ADAM12: variants seen among roughly 807,000 people sequenced by gnomAD.
The protein encoded by ADAM12 is disintegrin and metalloproteinase domain-containing protein 12.
ADAM12 carries 70 observed loss-of-function variants against 106.4 expected under a neutral mutation model. The observed-to-expected ratio is 0.66, with a 90% CI of 0.54 to 0.80. The LOEUF is 0.80. Ranked by LOEUF, ADAM12 falls within the 30% of genes least tolerant of loss-of-function variation. ADAM12 has a pLI of 0.00. For synonymous variants in ADAM12, 420 were observed against 433.5 expected (o/e 0.97, Z 0.39); for missense variants, 1,010 against 1,171.9 (o/e 0.86, Z 2.02).
chr10:126,088,967 G>A (rs1019876787), intron 11 of ADAM12, among the ~76,000 whole-genome samples: 52 of 152,234 alleles, frequency 3.4e-4, no homozygotes, highest in African/African-American at 1.1e-3. Context: ...TGAATGATTT[G>A]CACCCCAGGA....
Position 126,255,001 on chromosome 10 carries a change from C to T in ADAM12, c.260+23914G>A, listed in dbSNP as rs552994328. 1.1e-4 allele frequency among the ~76,000 whole-genome samples: 17 copies of T among 152,326 alleles called. No individual in the cohort carries two copies. In the South Asian group the frequency reaches 2.9e-3, roughly 26 times the overall value. On this transcript the variant is annotated intron_variant, in intron 3 of 22. Coordinates refer to ENST00000448723, the MANE Select transcript of ADAM12 (RefSeq NM_001288973.2). ...GGCCATAGTTCGCCCCGGTCACCAG[C>T]CCCCGGTGGCATTTGGACAGGGGCC... is the stretch of plus-strand genomic sequence containing the variant.
Position 126,066,583 on chromosome 10 carries a change from G to C in ADAM12, c.1413+134C>G, listed in dbSNP as rs532573084. 5.3e-4 allele frequency: 414 copies of C among 776,218 alleles called. 4 individuals carry two copies. The South Asian group carries it at 6.3e-3, about 12-fold the overall frequency. The allele number at this position is 776,218 out of a possible 1,614,324, so 48.1% of individuals were successfully genotyped here. On this transcript the variant is annotated intron_variant, in intron 13 of 22. Transcript: ENST00000448723. The surrounding 1 kb of genome is among the most constrained non-coding windows in gnomAD (Gnocchi z 5.1). ...TAAGAGGTGGGTAACACCAACTGGC[G>C]TGAGAAGGAGGGATGGTGCGTGCTG... is the stretch of plus-strand genomic sequence containing the variant.
At chr10:126,099,407 T>C (rs945747939) in intron 9 of ADAM12, among the ~76,000 whole-genome samples, 5 of 141,268 alleles carry the variant, frequency 3.5e-5, no homozygotes, top group Admixed American at 7.0e-5. Context: ...CCTCCCTCTC[T>C]ATCCACCTAT....
chr10:126,257,146 T>C (rs1011520989), intron 3 of ADAM12, among the ~76,000 whole-genome samples: 2 of 152,192 alleles, frequency 1.3e-5, no homozygotes, highest in Non-Finnish European at 2.9e-5. Flanking sequence ...CTGGATTCCC[T>C]TTCACTTGAC....
chr10:126,016,980 A>G lies in ADAM12; in HGVS notation c.*299T>C. The G allele has an allele frequency of 3.6e-6, 1 of 276,724 alleles. No individual in the cohort carries two copies. Among genetic ancestry groups the G allele is most frequent in the Non-Finnish European group, 6.7e-6 (1 of 148,308 alleles). The allele number at this position is 276,724 out of a possible 1,614,324, so 17.1% of individuals were successfully genotyped here. A position where few individuals can be genotyped will look rare whatever the true frequency, so the allele number is the denominator to read the frequency against. ...CAAGCAGGATATTTCAAGTTCACTA[A>G]AATACTAAAAGCACAACAAGCCTTC... On this transcript the variant is annotated 3_prime_UTR_variant, in exon 23 of 23. Transcript: ENST00000448723.
intron 2 of ADAM12, among the ~76,000 whole-genome samples, chr10:126,327,454 T>TAAA (rs1459255580): frequency 6.6e-6 from 1 of 151,738 alleles, no homozygotes; most frequent in Non-Finnish European, 1.5e-5. Context: ...TCAGATAAAA[T>TAAA]GTTTAAGAGT....
At chr10:126,103,986 A>ATT (rs761508860) in intron 8 of ADAM12, among the ~76,000 whole-genome samples, 9 of 152,214 alleles carry the variant, frequency 5.9e-5, no homozygotes, top group Non-Finnish European at 1.3e-4. Context: ...GTGAACTGCC[A>ATT]AGCAGTGGTG....
At chr10:126,084,105 A>G (rs534604807) in intron 11 of ADAM12, among the ~76,000 whole-genome samples, 11 of 152,306 alleles carry the variant, frequency 7.2e-5, no homozygotes, top group South Asian at 6.2e-4. Flanking sequence ...CATGGTCTTA[A>G]CTTGTGAACT....
chr10:126,113,713 T>A (rs1228653405), intron 6 of ADAM12, among the ~76,000 whole-genome samples: 27 of 66,304 alleles, frequency 4.1e-4, no homozygotes, highest in African/African-American at 1.1e-3. Context: ...TATATATATA[T>A]ATATATATAT....
intron 3 of ADAM12, among the ~76,000 whole-genome samples, chr10:126,170,625 G>A (rs1380212875): frequency 6.6e-6 from 1 of 152,102 alleles, no homozygotes; most frequent in Non-Finnish European, 1.5e-5. Flanking sequence ...CTGCAACAGA[G>A]CTGTTAGAAA....
chr10:126,270,556 G>T lies in ADAM12; in HGVS notation c.260+8359C>A, dbSNP rs572648410. On this transcript the variant is annotated intron_variant, in intron 3 of 22. Coordinates refer to ENST00000448723, the MANE Select transcript of ADAM12 (RefSeq NM_001288973.2). ...AAACTTAATTTAAATAGCCACATGT[G>T]GCTAGTGGCTCTCTAAGTAAAGTGT... 3.9e-5 allele frequency among the ~76,000 whole-genome samples: 6 copies of T among 152,322 alleles called. No homozygotes were observed. The East Asian group carries it at 1.2e-3, about 29-fold the overall frequency.
chr10:126,259,758 C>A (rs941278527), intron 3 of ADAM12, among the ~76,000 whole-genome samples: 2 of 152,202 alleles, frequency 1.3e-5, no homozygotes, highest in African/African-American at 4.8e-5. Context: ...ATCAACCCAA[C>A]TGATGATCAC....
chr10:126,088,061 T>A (rs923094062), intron 11 of ADAM12, among the ~76,000 whole-genome samples: 1 of 152,262 alleles, frequency 6.6e-6, no homozygotes, highest in Non-Finnish European at 1.5e-5. Flanking sequence ...GGTCGCTTTT[T>A]AAAAGATGTG....
At position 126,240,593 on chromosome 10, in the gene ADAM12, G is replaced by T. The variant is rs371876666; in HGVS notation, c.260+38322C>A. Among the ~76,000 whole-genome samples, 41 of 152,362 alleles carry T rather than the reference G, an allele frequency of 2.7e-4. No individual in the cohort carries two copies. The South Asian group carries it at 8.3e-3, about 31-fold the overall frequency. On this transcript the variant is annotated intron_variant, in intron 3 of 22. Coordinates refer to ENST00000448723, the MANE Select transcript of ADAM12 (RefSeq NM_001288973.2). Reference sequence around the variant, plus strand: ...CAGTCAGCTGTGCTCTGAGTATCTGGGCTGAGACCTGAAGGCTGAGAAGGA... The same window carrying T: ...CAGTCAGCTGTGCTCTGAGTATCTGTGCTGAGACCTGAAGGCTGAGAAGGA...
At chr10:126,081,311 G>C (rs1392882732) in intron 11 of ADAM12, among the ~76,000 whole-genome samples, 2 of 152,144 alleles carry the variant, frequency 1.3e-5, no homozygotes, top group Non-Finnish European at 2.9e-5. Context: ...TGTGTGATAG[G>C]AAAAGCCAAA....
intron 21 of ADAM12, among the ~76,000 whole-genome samples, chr10:126,033,450 A>G (rs1264924310): frequency 2.0e-5 from 3 of 152,220 alleles, no homozygotes; most frequent in Non-Finnish European, 4.4e-5. Flanking sequence ...TAGGGATCTC[A>G]GAACTCAAGG....
chr10:126,356,259 C>A (rs189545018), intron 1 of ADAM12, among the ~76,000 whole-genome samples: 1 of 152,332 alleles, frequency 6.6e-6, no homozygotes, highest in East Asian at 1.9e-4. Flanking sequence ...AAGGAATACA[C>A]CCTGTAGCCC....
intron 11 of ADAM12, among the ~76,000 whole-genome samples, chr10:126,080,757 C>T (rs896736906): frequency 9.9e-5 from 15 of 151,860 alleles, no homozygotes; most frequent in Non-Finnish European, 7.4e-5. Flanking sequence ...GAAAAAAACA[C>T]CACTTTTAAA....
At chr10:126,335,530 C>G (rs946712893) in intron 1 of ADAM12, among the ~76,000 whole-genome samples, 7 of 152,176 alleles carry the variant, frequency 4.6e-5, no homozygotes, top group African/African-American at 1.7e-4. Context: ...AGCTCCTTGT[C>G]TCAGGGCAAT....
Sources: allele counts gnomAD v4.1 joint callset (sites outside exome capture counted in the v4.1 genomes callset), GRCh38; gene constraint gnomAD v4.1.1; non-coding constraint Gnocchi (gnomAD v3.1); transcripts MANE v1.5; gene names NCBI Gene and HGNC (gene_info 2026-07-23, HGNC 2026-07-21).